DPP10: variants seen among roughly 807,000 people sequenced by gnomAD.
DPP10 encodes inactive dipeptidyl peptidase 10.
In DPP10, 33 loss-of-function variants were observed where a neutral mutation model predicts 120.9. That is an observed-to-expected ratio of 0.27 (90% confidence interval 0.21 to 0.37). DPP10 has a LOEUF of 0.37. DPP10 is among the 10% of genes least tolerant of loss of function. The pLI is 1.00. For missense variants in DPP10, 816 were observed against 942.8 expected (o/e 0.87, Z 1.76); for synonymous variants, 337 against 326.1 (o/e 1.03, Z -0.36).
At chr2:115,647,459 A>G (rs1397052844) in intron 5 of DPP10, among the ~76,000 whole-genome samples, 2 of 152,186 alleles carry the variant, frequency 1.3e-5, no homozygotes, top group Non-Finnish European at 2.9e-5. Context: ...ATGGCATTGC[A>G]CAAGGCAAGA....
chr2:114,469,242 T>G (rs1285070908), intron 1 of DPP10, among the ~76,000 whole-genome samples: 2 of 152,188 alleles, frequency 1.3e-5, no homozygotes, highest in African/African-American at 4.8e-5. Context: ...AAATGTAGGA[T>G]GGGTACAGGA....
At chr2:115,215,806 G>A (rs1033045296) in intron 1 of DPP10, among the ~76,000 whole-genome samples, 3 of 152,050 alleles carry the variant, frequency 2.0e-5, no homozygotes, top group African/African-American at 7.2e-5. Context: ...CTATTACTGG[G>A]TATCTACCCC....
chr2:115,560,439 TATATATAC>T (rs1319877279), intron 5 of DPP10, among the ~76,000 whole-genome samples: 69 of 81,108 alleles, frequency 8.5e-4, no homozygotes, highest in African/African-American at 3.1e-3. Context: ...TATATATATA[TATATATAC>T]GACAAGCTAC....
chr2:114,722,695 G>A (rs1296761798), intron 1 of DPP10, among the ~76,000 whole-genome samples: 1 of 137,384 alleles, frequency 7.3e-6, no homozygotes, highest in African/African-American at 2.7e-5. Context: ...AGAATGGCAT[G>A]AACCTGGGAG....
At chr2:115,353,151 A>G (rs1453476228) in intron 3 of DPP10, among the ~76,000 whole-genome samples, 1 of 152,128 alleles carries the variant, frequency 6.6e-6, no homozygotes, top group Non-Finnish European at 1.5e-5. Flanking sequence ...AACTAGGAGA[A>G]ATCGGTTTGA....
At chr2:115,148,951 G>T (rs1451778927) in intron 1 of DPP10, among the ~76,000 whole-genome samples, 2 of 152,060 alleles carry the variant, frequency 1.3e-5, no homozygotes, top group Admixed American at 1.3e-4. Flanking sequence ...TTTTCAAATT[G>T]ATATGTCTTT....
At chr2:114,521,251 GAC>G (rs60539029) in intron 1 of DPP10, among the ~76,000 whole-genome samples, 6,269 of 144,550 alleles carry the variant, frequency 0.043, 281 homozygotes, top group African/African-American at 0.12. Context: ...CACATGCACA[GAC>G]ACACACACAC....
At chr2:114,447,172 T>C (rs951812916) in intron 1 of DPP10, among the ~76,000 whole-genome samples, 5 of 152,002 alleles carry the variant, frequency 3.3e-5, no homozygotes, top group African/African-American at 1.2e-4. Flanking sequence ...AATTTTTGTA[T>C]TTTTAGTAGA....
At chr2:115,025,863 T>C (rs1703422965) in intron 1 of DPP10, among the ~76,000 whole-genome samples, 1 of 151,926 alleles carries the variant, frequency 6.6e-6, no homozygotes, top group Non-Finnish European at 1.5e-5. Context: ...GGGGTCTTTT[T>C]GGGTGTTTGT....
chr2:115,184,081 A>G (rs553637667), intron 1 of DPP10, among the ~76,000 whole-genome samples: 1 of 152,140 alleles, frequency 6.6e-6, no homozygotes, highest in African/African-American at 2.4e-5. Context: ...AGGGAGAGGG[A>G]ATAGGGAACT....
intron 1 of DPP10, among the ~76,000 whole-genome samples, chr2:114,483,863 C>T (rs1681274153): frequency 6.6e-6 from 1 of 152,162 alleles, no homozygotes; most frequent in Admixed American, 6.6e-5. Flanking sequence ...GTGCAGTCAA[C>T]AGGCCTGCAT....
At chr2:114,658,971 GGTGA>G (rs1322295728) in intron 1 of DPP10, among the ~76,000 whole-genome samples, 3 of 152,074 alleles carry the variant, frequency 2.0e-5, no homozygotes, top group South Asian at 2.1e-4. Context: ...TTCTCGTGAT[GGTGA>G]GTAAGTTCTC....
At chr2:114,544,357 G>A (rs947533565) in intron 1 of DPP10, among the ~76,000 whole-genome samples, 1 of 152,178 alleles carries the variant, frequency 6.6e-6, no homozygotes, top group African/African-American at 2.4e-5. Flanking sequence ...CATATTCTTG[G>A]CAGTATGAGT....
At chr2:115,038,736 G>A (rs1704416125) in intron 1 of DPP10, among the ~76,000 whole-genome samples, 1 of 152,172 alleles carries the variant, frequency 6.6e-6, no homozygotes, top group Non-Finnish European at 1.5e-5. Context: ...ACCCTGTAAT[G>A]GAGGGACAGT....
chr2:114,749,272 T>G (rs968640827), intron 1 of DPP10, among the ~76,000 whole-genome samples: 5 of 151,732 alleles, frequency 3.3e-5, no homozygotes, highest in African/African-American at 7.3e-5. Flanking sequence ...TCTTGTAAAT[T>G]TGTTTGAGTT....
chr2:115,068,529 T>C (rs759042538), intron 1 of DPP10, among the ~76,000 whole-genome samples: 5 of 152,196 alleles, frequency 3.3e-5, no homozygotes, highest in Non-Finnish European at 7.4e-5. Context: ...GCCTCTTCAT[T>C]ATGCTAATTA....
At chr2:114,940,178 G>A (rs866759604) in intron 1 of DPP10, among the ~76,000 whole-genome samples, 10 of 152,024 alleles carry the variant, frequency 6.6e-5, no homozygotes, top group Admixed American at 1.3e-4. Context: ...ATTGATAATC[G>A]AAGGTTAATG....
intron 1 of DPP10, among the ~76,000 whole-genome samples, chr2:115,169,467 T>G (rs2053149725): frequency 6.6e-6 from 1 of 152,174 alleles, no homozygotes; most frequent in South Asian, 2.1e-4. Context: ...ATTTATGATC[T>G]AAATGCTATG....
Position 114,496,872 on chromosome 2 carries a change from A to G in DPP10, c.60+54034A>G, listed in dbSNP as rs190085960. Among the ~76,000 whole-genome samples, 424 of 152,118 alleles carry G rather than the reference A, an allele frequency of 2.8e-3. 8 individuals are homozygous for G. Among genetic ancestry groups the G allele is most frequent in the Admixed American group, 0.026 (391 of 15,290 alleles). On this transcript the variant is annotated intron_variant, in intron 1 of 25. Coordinates refer to ENST00000410059, the MANE Select transcript of DPP10 (RefSeq NM_020868.6). ...AGGAATGTGAGCAAAACTGGAAGAA[A>G]CAAGTCCTTTGTTTCTCCTCCAGCC...
Sources: allele counts gnomAD v4.1 joint callset (sites outside exome capture counted in the v4.1 genomes callset), GRCh38; gene constraint gnomAD v4.1.1; transcripts MANE v1.5; gene names NCBI Gene and HGNC (gene_info 2026-07-23, HGNC 2026-07-21).